Variants in ACTR3C observed in about 807,000 individuals in gnomAD.
ACTR3C encodes actin-related protein 3C.
In ACTR3C, 18 loss-of-function variants were observed where a neutral mutation model predicts 26.3. That is an observed-to-expected ratio of 0.68 (90% confidence interval 0.47 to 1.01). ACTR3C has a LOEUF of 1.01. Among genes scored for constraint, ACTR3C ranks in the 50% least tolerant of loss-of-function variants. The pLI, the probability that ACTR3C is intolerant of heterozygous loss-of-function variation, is 0.00. For synonymous variants in ACTR3C, 55 were observed against 94.5 expected, an observed-to-expected ratio of 0.58 and a Z score of 2.42; for missense variants, 184 against 250.7, an observed-to-expected ratio of 0.73 and a Z score of 1.80.
At chr7:150,260,350 T>G (rs1468069912) in intron 6 of ACTR3C, among the ~76,000 whole-genome samples, 2 of 152,210 alleles carry the variant, frequency 1.3e-5, no homozygotes, top group African/African-American at 2.4e-5. Flanking sequence ...TATGTCCAGA[T>G]CAGAGAATCA....
the ACTR3C span, among the ~76,000 whole-genome samples, chr7:149,945,574 G>A: frequency 7.1e-4 from 108 of 152,236 alleles, no homozygotes; most frequent in African/African-American, 2.3e-3. Context: ...CAGAAAGCCC[G>A]CAGCTCAGAG....
At chr7:149,972,309 A>G in the ACTR3C span, among the ~76,000 whole-genome samples, 1 of 152,166 alleles carries the variant, frequency 6.6e-6, no homozygotes, top group African/African-American at 2.4e-5. Context: ...AATTCTACAT[A>G]TTGTATTGTT....
the ACTR3C span, among the ~76,000 whole-genome samples, chr7:149,914,133 C>T: frequency 5.9e-5 from 9 of 151,670 alleles, no homozygotes; most frequent in East Asian, 1.8e-3. Context: ...AAGGGATCCT[C>T]CCACCTTGGC....
chr7:150,035,174 A>G, the ACTR3C span, among the ~76,000 whole-genome samples: 1 of 136,538 alleles, frequency 7.3e-6, no homozygotes, highest in Non-Finnish European at 1.6e-5. Flanking sequence ...GGGGGGGAAG[A>G]GGGTCTGGCT....
the ACTR3C span, among the ~76,000 whole-genome samples, chr7:150,168,636 A>G: frequency 2.9e-4 from 43 of 150,854 alleles, 1 homozygote; most frequent in African/African-American, 1.0e-3. Context: ...TATCTTCAAT[A>G]AAACCAGTCC....
At chr7:150,083,098 A>C in the ACTR3C span, among the ~76,000 whole-genome samples, 1 of 149,804 alleles carries the variant, frequency 6.7e-6, no homozygotes, top group Non-Finnish European at 1.5e-5. Flanking sequence ...GGCACATACC[A>C]CCATGCCCAA....
chr7:150,035,570 G>T, the ACTR3C span, among the ~76,000 whole-genome samples: 2 of 134,524 alleles, frequency 1.5e-5, no homozygotes, highest in Non-Finnish European at 3.3e-5. Flanking sequence ...AGAGCCGGGG[G>T]GGAAGAGGGA....
chr7:150,291,908 C>T, intron 3 of ACTR3C, among the ~76,000 whole-genome samples: 1 of 151,410 alleles, frequency 6.6e-6, no homozygotes, highest in African/African-American at 2.4e-5. Flanking sequence ...CACCTCTCCT[C>T]CCCACAGGAA....
At chr7:150,151,378 T>C in the ACTR3C span, among the ~76,000 whole-genome samples, 2 of 138,134 alleles carry the variant, frequency 1.4e-5, no homozygotes, top group African/African-American at 5.0e-5. Context: ...TCTTAATTTA[T>C]ATTAATTTAT....
chr7:150,100,991 C>T, the ACTR3C span, among the ~76,000 whole-genome samples: 1 of 151,634 alleles, frequency 6.6e-6, no homozygotes, highest in South Asian at 2.1e-4. Context: ...AGGCGTGAGC[C>T]ACCCCCCACT....
At chr7:149,953,233 A>G in the ACTR3C span, among the ~76,000 whole-genome samples, 1 of 149,622 alleles carries the variant, frequency 6.7e-6, no homozygotes, top group Non-Finnish European at 1.5e-5. Context: ...TTGTATGCAT[A>G]AATGTAGTTA....
At chr7:150,048,397 C>T in the ACTR3C span, among the ~76,000 whole-genome samples, 2 of 152,044 alleles carry the variant, frequency 1.3e-5, no homozygotes, top group African/African-American at 2.4e-5. Context: ...GGGTTGGCAG[C>T]CCGGAGAGGG....
the ACTR3C span, among the ~76,000 whole-genome samples, chr7:150,063,384 G>C: frequency 1.6e-4 from 25 of 151,632 alleles, no homozygotes; most frequent in South Asian, 5.2e-3. Flanking sequence ...CTGTGTTTCA[G>C]TGAACACTTC....
At chr7:150,181,585 C>G in the ACTR3C span, among the ~76,000 whole-genome samples, 12 of 148,230 alleles carry the variant, frequency 8.1e-5, no homozygotes, top group Non-Finnish European at 1.8e-4. Context: ...GGCAACAGAG[C>G]AAGACACTGT....
At chr7:150,111,252 A>G in the ACTR3C span, among the ~76,000 whole-genome samples, 2 of 115,456 alleles carry the variant, frequency 1.7e-5, no homozygotes, top group African/African-American at 7.9e-5. Flanking sequence ...TGCTTCCCGC[A>G]CACGTTGGCA....
chr7:149,892,469 T>C, the ACTR3C span: 1 of 1,422,454 alleles, frequency 7.0e-7, no homozygotes, highest in Non-Finnish European at 9.4e-7. Context: ...AAAGGGATAA[T>C]ATCCTAATAT....
At chr7:150,023,051 C>A in the ACTR3C span, among the ~76,000 whole-genome samples, 7,874 of 150,430 alleles carry the variant, frequency 0.052, 534 homozygotes, top group African/African-American at 0.18. Context: ...CACCCTATTT[C>A]CCCGAAGGTT....
chr7:149,930,592 A>G, the ACTR3C span, among the ~76,000 whole-genome samples: 2 of 152,166 alleles, frequency 1.3e-5, no homozygotes, highest in Non-Finnish European at 2.9e-5. Flanking sequence ...GAGCCACCAT[A>G]TGGTTTCCAT....
the ACTR3C span, among the ~76,000 whole-genome samples, chr7:150,153,338 A>G: frequency 6.7e-6 from 1 of 149,656 alleles, no homozygotes; most frequent in East Asian, 2.1e-4. Flanking sequence ...CAAAGGGCTA[A>G]TATCCAGAAT....
Sources: gnomAD v4.1 joint callset for allele counts (sites outside exome capture counted in the v4.1 genomes callset) on GRCh38, gnomAD v4.1.1 for gene constraint, MANE v1.5 for transcripts, NCBI Gene and HGNC (gene_info 2026-07-23, HGNC 2026-07-21) for gene names.